Variants in PCDH15 observed in about 807,000 individuals in gnomAD.
PCDH15 encodes protocadherin-15.
Under a neutral mutation model 178.5 loss-of-function variants are expected in PCDH15, and 129 were observed. That is an observed-to-expected ratio of 0.72 (90% CI 0.63 to 0.84). PCDH15 has a LOEUF of 0.84. Among genes scored for constraint, PCDH15 ranks in the 40% least tolerant of loss-of-function variants. The pLI is 0.00. For missense variants in PCDH15, 2,230 were observed against 2,099.9 expected (o/e 1.06, Z -1.21); for synonymous variants, 800 against 732.0 (o/e 1.09, Z -1.50).
intron 5 of PCDH15, among the ~76,000 whole-genome samples, chr10:54,358,758 AC>A (rs1273549975): frequency 6.6e-6 from 1 of 152,014 alleles, no homozygotes; most frequent in African/African-American, 2.4e-5. Flanking sequence ...CTTGGAACCA[AC>A]CCAAATGTCC....
intron 26 of PCDH15, among the ~76,000 whole-genome samples, chr10:53,885,139 C>A (rs2081000463): frequency 6.6e-6 from 1 of 152,192 alleles, no homozygotes; most frequent in Non-Finnish European, 1.5e-5. Flanking sequence ...CAATGGGGTA[C>A]TTATGGTCTC....
At chr10:54,779,810 A>G (rs1226902123) in intron 1 of PCDH15, among the ~76,000 whole-genome samples, 1 of 151,590 alleles carries the variant, frequency 6.6e-6, no homozygotes, top group East Asian at 2.0e-4. Flanking sequence ...TCCTACATAG[A>G]CCCCTGAGGC....
At chr10:54,305,299 C>T (rs556403643) in intron 8 of PCDH15, among the ~76,000 whole-genome samples, 1 of 152,070 alleles carries the variant, frequency 6.6e-6, no homozygotes, top group Admixed American at 6.6e-5. Flanking sequence ...AGAAATATAT[C>T]TCCTTAGAGA....
intron 2 of PCDH15, among the ~76,000 whole-genome samples, chr10:54,924,885 T>C (rs764572475): frequency 3.8e-4 from 58 of 152,288 alleles, no homozygotes; most frequent in Non-Finnish European, 6.3e-4. Flanking sequence ...GTTCTCCTAT[T>C]ATGTAGGTTA....
chr10:54,640,374 G>T (rs1342501983), intron 2 of PCDH15, among the ~76,000 whole-genome samples: 1 of 151,450 alleles, frequency 6.6e-6, no homozygotes, highest in Non-Finnish European at 1.5e-5. Flanking sequence ...TGGGTTCAAA[G>T]ACACTTGAGA....
intron 10 of PCDH15, among the ~76,000 whole-genome samples, chr10:54,210,517 G>C (rs1161220031): frequency 1.3e-5 from 2 of 152,026 alleles, no homozygotes; most frequent in African/African-American, 2.4e-5. Flanking sequence ...GGGCCAAAAG[G>C]CTGCAAAAAA....
chr10:54,381,030 C>T (rs1408952794), intron 3 of PCDH15, among the ~76,000 whole-genome samples: 1 of 151,276 alleles, frequency 6.6e-6, no homozygotes, highest in Non-Finnish European at 1.5e-5. Context: ...TGCCTGCTTT[C>T]CCCTTTAGAA....
chr10:55,143,557 T>C (rs1838411629), intron 2 of PCDH15, among the ~76,000 whole-genome samples: 1 of 152,098 alleles, frequency 6.6e-6, no homozygotes, highest in African/African-American at 2.4e-5. Flanking sequence ...TGCTGATTTA[T>C]CACCGTGTTT....
chr10:54,516,783 G>GGA (rs1180501492), intron 3 of PCDH15, among the ~76,000 whole-genome samples: 2 of 152,058 alleles, frequency 1.3e-5, no homozygotes, highest in African/African-American at 4.8e-5. Flanking sequence ...TTGAAATGAA[G>GGA]GAAAAAATGT....
At chr10:55,189,115 G>T (rs189229156) in intron 1 of PCDH15, among the ~76,000 whole-genome samples, 9 of 151,864 alleles carry the variant, frequency 5.9e-5, no homozygotes, top group Admixed American at 2.0e-4. Context: ...GTGTTTCATG[G>T]CTACACAAGG....
At chr10:55,109,084 C>A (rs1564805431) in intron 2 of PCDH15, among the ~76,000 whole-genome samples, 1 of 152,108 alleles carries the variant, frequency 6.6e-6, no homozygotes, top group Non-Finnish European at 1.5e-5. Flanking sequence ...TTGGTGCTAC[C>A]TAATACTCCA....
At chr10:54,703,365 C>T (rs1444462742) in intron 1 of PCDH15, among the ~76,000 whole-genome samples, 12 of 151,634 alleles carry the variant, frequency 7.9e-5, no homozygotes, top group Admixed American at 5.9e-4. Flanking sequence ...CATAGTACTT[C>T]AAGTCCTAGC....
At chr10:55,332,993 C>T (rs1310511872) in intron 2 of PCDH15, among the ~76,000 whole-genome samples, 1 of 152,136 alleles carries the variant, frequency 6.6e-6, no homozygotes, top group Non-Finnish European at 1.5e-5. Context: ...ACATCTTTTA[C>T]ATGACAACAG....
chr10:53,961,715 A>G, intron 22 of PCDH15, 37 bp downstream of exon 22: 2 of 1,489,872 alleles, frequency 1.3e-6, no homozygotes, highest in South Asian at 1.5e-5. Flanking sequence ...CAAAAATTAA[A>G]CATCAAATAG....
At chr10:54,734,768 G>T (rs1384059007) in intron 1 of PCDH15, among the ~76,000 whole-genome samples, 1 of 151,972 alleles carries the variant, frequency 6.6e-6, no homozygotes, top group Non-Finnish European at 1.5e-5. Flanking sequence ...ATGTGGATGA[G>T]TATCAAATGG....
At chr10:55,317,012 G>A (rs1390547813) in intron 1 of PCDH15, among the ~76,000 whole-genome samples, 2 of 152,078 alleles carry the variant, frequency 1.3e-5, no homozygotes, top group African/African-American at 4.8e-5. Context: ...TTTGCTTAAA[G>A]CTGGCTTAGC....
chr10:55,486,918 C>T lies in PCDH15; in HGVS notation c.-156+140707G>A, dbSNP rs183395961. ...TATCAAGAACCAATATTTTATGGGG[C>T]AGAAAATCTCCCTACCTACTAAAAC... is the stretch of plus-strand genomic sequence containing the variant. On this transcript the variant is annotated intron_variant, in intron 2 of 5. Transcript: ENST00000613346. Among the ~76,000 whole-genome samples, 3 of 151,612 alleles carry T rather than the reference C, an allele frequency of 2.0e-5. No homozygotes were observed. In the East Asian group the frequency reaches 5.9e-4, roughly 30 times the overall value.
chr10:54,308,868 A>C (rs906171833), intron 8 of PCDH15, among the ~76,000 whole-genome samples: 9 of 151,800 alleles, frequency 5.9e-5, no homozygotes, highest in Admixed American at 5.9e-4. Context: ...ATACTTGCTG[A>C]ATTTTAGTTT....
At chr10:55,249,574 A>G (rs1326306345) in intron 1 of PCDH15, among the ~76,000 whole-genome samples, 1 of 152,180 alleles carries the variant, frequency 6.6e-6, no homozygotes, top group African/African-American at 2.4e-5. Context: ...AGTAATTATC[A>G]AACACAATCT....
Sources: gnomAD v4.1 joint callset for allele counts (sites outside exome capture counted in the v4.1 genomes callset) on GRCh38, gnomAD v4.1.1 for gene constraint, MANE v1.5 for transcripts, NCBI Gene and HGNC (gene_info 2026-07-23, HGNC 2026-07-21) for gene names.